RBM45: variants seen among roughly 807,000 people sequenced by gnomAD.
RBM45 encodes the protein RNA binding motif protein 45.
A neutral mutation model predicts 58.5 loss-of-function variants in RBM45; 39 were observed. The ratio of observed to expected loss-of-function variants is 0.67; its 90% confidence interval spans 0.52 to 0.87. The LOEUF is 0.87. Ranked by LOEUF, RBM45 falls within the 40% of genes least tolerant of loss-of-function variation. The pLI is 0.00. For missense variants in RBM45, 481 were observed against 581.6 expected, an observed-to-expected ratio of 0.83 and a Z score of 1.78; for synonymous variants, 193 against 203.0, an observed-to-expected ratio of 0.95 and a Z score of 0.42.
chr2:178,131,047 CAG>C (rs1275963112), downstream of RBM45, among the ~76,000 whole-genome samples: 2 of 152,194 alleles, frequency 1.3e-5, no homozygotes, highest in African/African-American at 4.8e-5. Context: ...TTCGAGGCTG[CAG>C]AGTGCTGTTA....
chr2:178,118,049 T>G lies in RBM45; in HGVS notation c.424-6T>G, dbSNP rs2087801261. 4 of 1,595,738 alleles carry G rather than the reference T, an allele frequency of 2.5e-6. No individual in the cohort carries two copies. Among genetic ancestry groups the G allele is most frequent in the African/African-American group, 1.3e-5 (1 of 74,276 alleles). On this transcript the variant is annotated splice_polypyrimidine_tract_variant and splice_region_variant and intron_variant, in intron 2 of 9. Coordinates refer to ENST00000286070, the MANE Select transcript of RBM45 (RefSeq NM_152945.4). ...CCCCTAAAATCATGTCTTTTAACTC[T>G]CTTAGGTGTATGGAGATATCGAGTA... is the stretch of plus-strand genomic sequence containing the variant.
At chr2:178,125,862 A>G (rs1170675154) in intron 8 of RBM45, 122 bp from the exon 9 acceptor site, 7 of 733,242 alleles carry the variant, frequency 9.5e-6, no homozygotes, top group African/African-American at 1.7e-5. Context: ...TAAGATTGAC[A>G]TGAGTTGGAT....
intron 3 of RBM45, 127 bp from the exon 4 acceptor site, chr2:178,120,160 A>C: frequency 1.3e-5 from 15 of 1,125,994 alleles, no homozygotes; most frequent in Non-Finnish European, 1.9e-5. Context: ...TCTGGAGGAG[A>C]TGGCCATTGT....
At chr2:178,119,476 C>G (rs1372380965) in intron 3 of RBM45, among the ~76,000 whole-genome samples, 2 of 152,170 alleles carry the variant, frequency 1.3e-5, no homozygotes, top group Admixed American at 1.3e-4. Context: ...ACACAGTTAA[C>G]TAGGTACATT....
chr2:178,118,131 G>C lies in RBM45; in HGVS notation c.500G>C (p.Arg167Pro). ...GAAAGTAAAGGTTTGGGCTACGTAC[G>C]ATACTTAAAACCATCACAAGCTGCC... is the stretch of plus-strand genomic sequence containing the variant. ...TGESKGLGYV[R>P]YLKPSQAAQA... is the part of the protein sequence containing the mutation. The change falls in exon 3 of 10, where the codon CGA becomes CCA. Residue 167 changes from arginine (R) to proline (P), a missense_variant. By Grantham distance (103) the Arg-to-Pro change is moderately radical. Coordinates refer to ENST00000286070, the MANE Select transcript of RBM45 (RefSeq NM_152945.4). 6.2e-7 allele frequency: 1 copy of C among 1,612,912 alleles called. No homozygotes were observed. Among genetic ancestry groups the C allele is most frequent in the Non-Finnish European group, 8.5e-7 (1 of 1,179,284 alleles).
exon 4 of RBM45, chr2:178,138,094 C>T (rs2088059568): frequency 6.6e-6 from 1 of 152,034 alleles, no homozygotes; most frequent in Admixed American, 6.6e-5. Context: ...AAAATTGAAT[C>T]CATGATGAAC....
At chr2:178,118,028 TAA>T in intron 2 of RBM45, 25 bp from the exon 3 acceptor site, 1 of 1,525,610 alleles carries the variant, frequency 6.6e-7, no homozygotes, top group Non-Finnish European at 8.8e-7. Flanking sequence ...TTAAGTCCCC[TAA>T]AATCATGTCT....
chr2:178,133,903 A>G (rs570038352), downstream of RBM45: 1 of 152,346 alleles, frequency 6.6e-6, no homozygotes, highest in South Asian at 2.1e-4. Flanking sequence ...AACTGAAGGT[A>G]TGGTATTGAT....
At chr2:178,129,178 A>AT (rs1329420682) in intron 9 of RBM45, among the ~76,000 whole-genome samples, 1 of 152,210 alleles carries the variant, frequency 6.6e-6, no homozygotes, top group Non-Finnish European at 1.5e-5. Context: ...AGAGCATCAG[A>AT]TTTTTTGTTA....
chr2:178,121,208 C>T lies in RBM45; in HGVS notation c.702C>T (p.Asp234=), dbSNP rs866142944. 1 of 1,567,058 alleles carries T rather than the reference C, an allele frequency of 6.4e-7. No homozygotes were observed. The highest frequency in any genetic ancestry group is 1.2e-5 in the South Asian group (1 of 84,456). ...AACAATCTGAATTTTCAAGTTTTGACAAGAATGATAGCCGAGGCCAGGAAG... is the reference window on the plus strand; with the variant it reads ...AACAATCTGAATTTTCAAGTTTTGATAAGAATGATAGCCGAGGCCAGGAAG... ...FEQQSEFSSF[D]KNDSRGQEAI... Residue 234 remains aspartate, a synonymous_variant, in exon 5 of 10, where the codon GAC becomes GAT. Transcript: ENST00000286070.
intron 6 of RBM45, 59 bp downstream of exon 6, chr2:178,123,710 C>A: frequency 6.3e-7 from 1 of 1,588,148 alleles, no homozygotes; most frequent in African/African-American, 1.4e-5. Context: ...ATTGATAGGA[C>A]TTGAAGAATA....
At chr2:178,124,034 C>T in intron 7 of RBM45, 93 bp from the exon 8 acceptor site, 5 of 1,473,660 alleles carry the variant, frequency 3.4e-6, no homozygotes, top group Admixed American at 1.9e-5. Context: ...TGGAAGACCA[C>T]ATAGATGCCA....
In RBM45 at chr2:178,118,122, G is replaced by T. The variant is rs1559078737; in HGVS notation, c.491G>T (p.Gly164Val). 6.2e-7 allele frequency: 1 copy of T among 1,612,812 alleles called. No individual in the cohort carries two copies. The highest frequency in any genetic ancestry group is 8.5e-7 in the Non-Finnish European group (1 of 1,179,190). The change falls in exon 3 of 10, where the codon GGC becomes GTC. Residue 164 changes from glycine (G) to valine (V), a missense_variant. Transcript: ENST00000286070. ...GTGACTGGAGAAAGTAAAGGTTTGG[G>T]CTACGTACGATACTTAAAACCATCA... Reference protein sequence around the residue: ...NKVTGESKGLGYVRYLKPSQA... With the variant: ...NKVTGESKGLVYVRYLKPSQA...
At chr2:178,112,882 G>A (rs1173649133) in intron 1 of RBM45, 36 bp downstream of exon 1, 1 of 1,587,376 alleles carries the variant, frequency 6.3e-7, no homozygotes, top group Non-Finnish European at 8.6e-7. Context: ...CTCGGGGGAA[G>A]GAGTGGGCCT....
chr2:178,124,190 T>G lies in RBM45; in HGVS notation c.1132T>G (p.Cys378Gly), dbSNP rs752298945. 72 of 1,610,344 alleles carry G rather than the reference T, an allele frequency of 4.5e-5. No individual in the cohort carries two copies. The highest frequency in any genetic ancestry group is 4.5e-4 in the South Asian group (40 of 89,796). The change falls in exon 8 of 10, where the codon TGC (cysteine) becomes GGC (glycine). Residue 378 changes from cysteine to glycine, a missense_variant. By Grantham distance (159) the Cys-to-Gly change is radical. Coordinates refer to ENST00000286070, the MANE Select transcript of RBM45 (RefSeq NM_152945.4). ...QIQTDVVLPS[C>G]KKKAPAETPV... ...CCAGACAGATGTTGTACTTCCATCA[T>G]GCAAAAAAAAAGCTCCTGCTGAAAC...
At chr2:178,115,450 C>T (rs2087758592) in intron 1 of RBM45, among the ~76,000 whole-genome samples, 1 of 151,990 alleles carries the variant, frequency 6.6e-6, no homozygotes, top group African/African-American at 2.4e-5. Context: ...TTACTGATAT[C>T]AGCCACAAGA....
At position 178,112,681 on chromosome 2, in the gene RBM45, C is replaced by T. The variant is rs1362812945; in HGVS notation, c.135C>T (p.Phe45=). 1.4e-5 allele frequency: 22 copies of T among 1,614,136 alleles called. No homozygotes were observed. Among genetic ancestry groups the T allele is most frequent in the Admixed American group, 1.7e-5 (1 of 60,016 alleles). The change falls in exon 1 of 10, where the codon TTC becomes TTT. Residue 45 remains phenylalanine (F), a synonymous_variant. Transcript: ENST00000286070. ...CTGAGTCGGTGCTGAGGGAGCGCTT[C>T]TCGCCTTTTGGCGACATCCAGGACA... ...YTPESVLRER[F]SPFGDIQDIW...
intron 8 of RBM45, 70 bp downstream of exon 8, chr2:178,124,360 C>G (rs1436680017): frequency 1.0e-6 from 1 of 988,496 alleles, no homozygotes; most frequent in Non-Finnish European, 1.5e-6. Flanking sequence ...AATCTAGACA[C>G]TTCCTTCACC....
intron 5 of RBM45, among the ~76,000 whole-genome samples, chr2:178,123,285 C>G (rs1052079207): frequency 9.2e-5 from 14 of 152,152 alleles, no homozygotes; most frequent in African/African-American, 2.7e-4. Context: ...TGTTAATATT[C>G]CATTTTCCCT....
Sources: gnomAD v4.1 joint callset for allele counts (sites outside exome capture counted in the v4.1 genomes callset) on GRCh38, gnomAD v4.1.1 for gene constraint, MANE v1.5 for transcripts, NCBI Gene and HGNC (gene_info 2026-07-23, HGNC 2026-07-21) for gene names.